Variants in ASPSCR1 observed in about 807,000 individuals in gnomAD.
The protein encoded by ASPSCR1 is ASPSCR1 tether for SLC2A4, UBX domain containing.
A neutral mutation model predicts 68.9 loss-of-function variants in ASPSCR1; 55 were observed. That is an observed-to-expected ratio of 0.80 (90% CI 0.64 to 1.00). ASPSCR1 has a LOEUF of 1.00. Among genes scored for constraint, ASPSCR1 ranks in the 50% least tolerant of loss-of-function variants. The pLI is 0.00. For missense variants in ASPSCR1, 765 were observed against 762.2 expected (o/e 1.00, Z -0.04); for synonymous variants, 352 against 332.6 (o/e 1.06, Z -0.63).
At position 81,977,893 on chromosome 17, in the gene ASPSCR1, G is replaced by T. The variant is rs532787592; in HGVS notation, c.102+145G>T. 3.4e-5 allele frequency: 18 copies of T among 525,814 alleles called. 1 individual carries two copies. In the South Asian group the frequency reaches 8.7e-4, roughly 25 times the overall value. The allele number at this position is 525,814 out of a possible 1,614,324, so 32.6% of individuals were successfully genotyped here. On this transcript the variant is annotated intron_variant, in intron 1 of 15. Transcript: ENST00000306739. The surrounding 1 kb of genome is among the most constrained non-coding windows in gnomAD (Gnocchi z 5.0). ...CTCCTGAGCGGCGGCCCCGCCCCCT[G>T]CTCGCCGTCACCTGCGCTTCCGCTG... is the stretch of plus-strand genomic sequence containing the variant.
At chr17:82,015,622 C>T (rs1007845470) in intron 12 of ASPSCR1, 2 of 537,882 alleles carry the variant, frequency 3.7e-6, no homozygotes, top group East Asian at 6.3e-5. Context: ...GGCCAGGGCT[C>T]CTGTGCCCAC....
chr17:81,990,912 C>T lies in ASPSCR1; in HGVS notation c.375-3909C>T, dbSNP rs543036231. Among the ~76,000 whole-genome samples, 15 of 152,222 alleles carry T rather than the reference C, an allele frequency of 9.9e-5. No homozygotes were observed. The South Asian group carries it at 2.7e-3, about 27-fold the overall frequency. ...TACTGTAGCACGTCTGGGCAGTCCA[C>T]GAGGGCAGGCGGGCGAGTCCCGTAG... On this transcript the variant is annotated intron_variant, in intron 4 of 15. Coordinates refer to ENST00000306739, the MANE Select transcript of ASPSCR1 (RefSeq NM_024083.4). The surrounding 1 kb of genome is among the most constrained non-coding windows in gnomAD (Gnocchi z 4.1).
rs967680560 is a variant in ASPSCR1, at chr17:81,999,696, T to C, written c.933+2850T>C. Among the ~76,000 whole-genome samples, 5 of 151,776 alleles carry C rather than the reference T, an allele frequency of 3.3e-5. No individual in the cohort carries two copies. Among genetic ancestry groups the C allele is most frequent in the African/African-American group, 9.7e-5 (4 of 41,280 alleles). On this transcript the variant is annotated intron_variant, in intron 7 of 15. Transcript: ENST00000306739. The surrounding 1 kb of genome is among the most constrained non-coding windows in gnomAD (Gnocchi z 4.4). ...CTGTGCACATGGCCCCGGCCTCGGC[T>C]GTCCCCTGGGCACTCGTGCTACGTG...
chr17:82,006,128 T>G (rs527623198), intron 7 of ASPSCR1: 1 of 151,686 alleles, frequency 6.6e-6, no homozygotes, highest in African/African-American at 2.5e-5. Flanking sequence ...CGGGTACACA[T>G]GCGTGCTTGG....
In ASPSCR1 at chr17:82,009,102, G is replaced by T. The variant is rs772079890; in HGVS notation, c.999G>T (p.Leu333=). The T allele has an allele frequency of 3.2e-5, 51 of 1,595,360 alleles. No homozygotes were observed. In the Admixed American group the frequency reaches 7.6e-4, roughly 24 times the overall value. ...GCCACCCCGACCTGGAGGAGCGGCTGCAGGCCTGGCCAGCGGAGCTGCCTG... is the reference window on the plus strand; with the variant it reads ...GCCACCCCGACCTGGAGGAGCGGCTTCAGGCCTGGCCAGCGGAGCTGCCTG... The part of the protein sequence containing the change: ...VVCHPDLEER[L]QAWPAELPDE... Residue 333 remains leucine, a synonymous_variant, in exon 8 of 16, where the codon CTG becomes CTT. Coordinates refer to ENST00000306739, the MANE Select transcript of ASPSCR1 (RefSeq NM_024083.4).
rs1314213360 is a variant in ASPSCR1, at chr17:82,009,101, T to C, written c.998T>C (p.Leu333Pro). ...VVCHPDLEER[L>P]QAWPAELPDE... ...TGCCACCCCGACCTGGAGGAGCGGC[T>C]GCAGGCCTGGCCAGCGGAGCTGCCT... The change falls in exon 8 of 16, where the codon CTG (leucine) becomes CCG (proline). Residue 333 changes from leucine (L) to proline (P), a missense_variant. Physicochemically the swap from Leu to Pro is moderately conservative, Grantham distance 98. Transcript: ENST00000306739. The C allele has an allele frequency of 6.3e-7, 1 of 1,595,256 alleles. No individual in the cohort carries two copies. Among genetic ancestry groups the C allele is most frequent in the Non-Finnish European group, 8.5e-7 (1 of 1,171,876 alleles).
chr17:82,001,821 G>A (rs1458103926), intron 7 of ASPSCR1, among the ~76,000 whole-genome samples: 4 of 152,098 alleles, frequency 2.6e-5, no homozygotes, highest in African/African-American at 9.7e-5. Context: ...TCTGCCCTGC[G>A]GATGACCCCC....
At chr17:81,991,121 A>G (rs2042147010) in intron 4 of ASPSCR1, among the ~76,000 whole-genome samples, 1 of 152,168 alleles carries the variant, frequency 6.6e-6, no homozygotes, top group African/African-American at 2.4e-5. Context: ...GCCGCTTTCC[A>G]TCTGAAGACC....
intron 4 of ASPSCR1, among the ~76,000 whole-genome samples, chr17:81,989,846 G>T (rs1479071365): frequency 2.0e-5 from 3 of 152,214 alleles, no homozygotes; most frequent in African/African-American, 7.2e-5. Context: ...GGAGTGCAGT[G>T]GTGCGATCTT....
At chr17:81,993,300 A>G (rs1221564033) in intron 4 of ASPSCR1, among the ~76,000 whole-genome samples, 2 of 151,298 alleles carry the variant, frequency 1.3e-5, no homozygotes, top group Admixed American at 6.6e-5. Flanking sequence ...TGCAAGCTCC[A>G]CCTCCTGGGT....
chr17:81,981,352 G>C (rs191326587), intron 2 of ASPSCR1, among the ~76,000 whole-genome samples: 9 of 151,974 alleles, frequency 5.9e-5, no homozygotes, highest in African/African-American at 1.9e-4. Context: ...GGTTGGGGGG[G>C]GCTTAGGGTT....
intron 2 of ASPSCR1, among the ~76,000 whole-genome samples, chr17:81,980,103 C>A (rs1475351653): frequency 6.6e-6 from 1 of 152,226 alleles, no homozygotes; most frequent in East Asian, 1.9e-4. Context: ...CTGCCTCAGC[C>A]TCCCGAGTAG....
At chr17:82,002,003 C>CTTTTTTTTTTTTTTTTTTTT (rs71166183) in intron 7 of ASPSCR1, among the ~76,000 whole-genome samples, 1 of 93,808 alleles carries the variant, frequency 1.1e-5, no homozygotes, top group African/African-American at 4.3e-5. Flanking sequence ...TTTCTTTTTC[C>CTTTTTTTTTTTTTTTTTTTT]TTTTTTTTTT....
rs2042015062 is a variant in ASPSCR1, at chr17:81,987,028, A to T, written c.374+1421A>T. On this transcript the variant is annotated intron_variant, in intron 4 of 15. Coordinates refer to ENST00000306739, the MANE Select transcript of ASPSCR1 (RefSeq NM_024083.4). This position sits in a 1 kb window ranked among gnomAD's most constrained non-coding sequence, Gnocchi z 5.6. ...CAACAGTGACGGAGCCTAAGAGCAA[A>T]GCCAAAGCCACGGGCAGGGGTGAGC... is the stretch of plus-strand genomic sequence containing the variant. Among the ~76,000 whole-genome samples, 1 of 152,156 alleles carries T rather than the reference A, an allele frequency of 6.6e-6. No homozygotes were observed. Among genetic ancestry groups the T allele is most frequent in the South Asian group, 2.1e-4 (1 of 4,836 alleles).
intron 4 of ASPSCR1, 123 bp from the exon 5 acceptor site, chr17:81,994,698 G>C: frequency 9.8e-7 from 1 of 1,015,774 alleles, no homozygotes; most frequent in Non-Finnish European, 1.5e-6. Flanking sequence ...CTGGGACGCT[G>C]TCCTGGGTGG....
chr17:82,013,620 C>T (rs1447241869), intron 12 of ASPSCR1: 1 of 152,278 alleles, frequency 6.6e-6, no homozygotes, highest in Non-Finnish European at 1.5e-5. Flanking sequence ...TGCCTGCTGC[C>T]TGGGGGATGT....
intron 4 of ASPSCR1, among the ~76,000 whole-genome samples, chr17:81,988,454 CAAAAAA>C (rs1231233227): frequency 1.4e-5 from 1 of 71,018 alleles, no homozygotes; most frequent in Non-Finnish European, 2.9e-5. Context: ...GACTCCGTCT[CAAAAAA>C]AAAAAAAAAA....
chr17:81,998,908 G>A (rs1293957950), intron 7 of ASPSCR1, among the ~76,000 whole-genome samples: 1 of 152,220 alleles, frequency 6.6e-6, no homozygotes, highest in African/African-American at 2.4e-5. Context: ...GCTGACCTCC[G>A]AGCATGCCTG....
In ASPSCR1 at chr17:82,017,344, C is replaced by T. The variant is rs766654217; in HGVS notation, c.*22C>T. 4 of 1,610,850 alleles carry T rather than the reference C, an allele frequency of 2.5e-6. No homozygotes were observed. In the African/African-American group the frequency reaches 5.3e-5, roughly 22 times the overall value. On this transcript the variant is annotated 3_prime_UTR_variant, in exon 16 of 16. Transcript: ENST00000306739. Reference sequence around the variant, plus strand: ...GTGAGAGCTGCCAGCCTGAGGTGCCCACTCCGCCAGCCACAGGACCACCTC... The same window carrying T: ...GTGAGAGCTGCCAGCCTGAGGTGCCTACTCCGCCAGCCACAGGACCACCTC...
Sources: allele counts gnomAD v4.1 joint callset (sites outside exome capture counted in the v4.1 genomes callset), GRCh38; gene constraint gnomAD v4.1.1; non-coding constraint Gnocchi (gnomAD v3.1); transcripts MANE v1.5; gene names NCBI Gene and HGNC (gene_info 2026-07-23, HGNC 2026-07-21).